The following BRAF variants were observed in gnomAD, a reference collection of about 807,000 sequenced individuals.
BRAF encodes serine/threonine-protein kinase B-raf.
Under a neutral mutation model 104.6 loss-of-function variants are expected in BRAF, and 16 were observed. The ratio of observed to expected loss-of-function variants is 0.15; its 90% CI spans 0.10 to 0.23. The LOEUF (loss-of-function observed/expected upper bound fraction) is 0.23. Ranked by LOEUF, BRAF falls within the 10% of genes least tolerant of loss-of-function variation. BRAF has a pLI of 1.00. For missense variants in BRAF, 541 were observed against 937.3 expected, an observed-to-expected ratio of 0.58 and a Z score of 5.52; for synonymous variants, 310 against 341.6, an observed-to-expected ratio of 0.91 and a Z score of 1.02.
intron 3 of BRAF, among the ~76,000 whole-genome samples, chr7:140,827,701 A>C (rs1470064183): frequency 6.6e-6 from 1 of 152,140 alleles, no homozygotes; most frequent in Non-Finnish European, 1.5e-5. Context: ...CAGAGTGACA[A>C]ACTGGCCCAC....
intron 2 of BRAF, among the ~76,000 whole-genome samples, chr7:140,838,226 T>C (rs1274299122): frequency 1.3e-5 from 2 of 152,244 alleles, no homozygotes; most frequent in African/African-American, 2.4e-5. Context: ...AGAAGAGGTA[T>C]CCTTTCTCTT....
At chr7:140,822,612 G>C (rs1394171836) in intron 3 of BRAF, among the ~76,000 whole-genome samples, 1 of 152,190 alleles carries the variant, frequency 6.6e-6, no homozygotes, top group Non-Finnish European at 1.5e-5. Context: ...TGCATTAGCA[G>C]TTCATTCCTT....
intron 1 of BRAF, among the ~76,000 whole-genome samples, chr7:140,854,807 T>C (rs547410042): frequency 6.6e-6 from 1 of 151,978 alleles, no homozygotes; most frequent in Non-Finnish European, 1.5e-5. Context: ...TAGCCGGGCG[T>C]GGTGGCGTGT....
intron 1 of BRAF, among the ~76,000 whole-genome samples, chr7:140,899,532 T>C (rs1008273326): frequency 1.3e-5 from 2 of 152,224 alleles, no homozygotes; most frequent in Non-Finnish European, 2.9e-5. Context: ...TTTTTTCATT[T>C]CTGCCAATCT....
In BRAF at chr7:140,720,368, GCA is replaced by G; in HGVS notation, c.*6124_*6125del. The G allele has an allele frequency of 9.4e-7, 1 of 1,062,246 alleles. No homozygotes were observed. The highest frequency in any genetic ancestry group is 1.1e-6 in the Non-Finnish European group (1 of 877,392). The allele number at this position is 1,062,246 out of a possible 1,614,324, so 65.8% of individuals were successfully genotyped here. A position where few individuals can be genotyped will look rare whatever the true frequency, so the allele number is the denominator to read the frequency against. On this transcript the variant is annotated 3_prime_UTR_variant, in exon 20 of 20. Coordinates refer to ENST00000644969, the MANE Select transcript of BRAF (RefSeq NM_001374258.1). The stretch of plus-strand genomic sequence containing the variant: ...AAAATGAAGGCAGGAGAAGGGGACA[GCA>G]CAGAGACATACACCCCTGTATGTAA...
At chr7:140,823,835 T>C (rs971565016) in intron 3 of BRAF, 1 of 152,262 alleles carries the variant, frequency 6.6e-6, no homozygotes, top group African/African-American at 2.4e-5. Flanking sequence ...ATCTTCTTTT[T>C]TGTCTGATAG....
intron 1 of BRAF, among the ~76,000 whole-genome samples, chr7:140,896,385 A>G (rs919974004): frequency 1.3e-5 from 2 of 152,106 alleles, no homozygotes; most frequent in African/African-American, 2.4e-5. Context: ...CCAATCCTCC[A>G]CATCCAAAAG....
At position 140,734,394 on chromosome 7, in the gene BRAF, T is replaced by C. The variant is rs1796208696; in HGVS notation, c.2401+223A>G. 1.4e-6 allele frequency: 2 copies of C among 1,441,186 alleles called. No homozygotes were observed. Among genetic ancestry groups the C allele is most frequent in the Non-Finnish European group, 1.8e-6 (2 of 1,102,526 alleles). The allele number at this position is 1,441,186 out of a possible 1,614,324, so 89.3% of individuals were successfully genotyped here. A position where few individuals can be genotyped will look rare whatever the true frequency, so the allele number is the denominator to read the frequency against. On this transcript the variant is annotated intron_variant, in intron 19 of 19. Coordinates refer to ENST00000644969, the MANE Select transcript of BRAF (RefSeq NM_001374258.1). ...CAATTTTTAGCAATGTCTATGTATT[T>C]TAACCCTTGGATGTTAAAAATCCAA...
intron 1 of BRAF, among the ~76,000 whole-genome samples, chr7:140,875,682 A>G (rs1812161639): frequency 6.6e-6 from 1 of 152,184 alleles, no homozygotes; most frequent in South Asian, 2.1e-4. Context: ...CCAGCCTAAA[A>G]ATTATCTTGA....
At chr7:140,896,652 G>A (rs985064491) in intron 1 of BRAF, among the ~76,000 whole-genome samples, 2 of 152,174 alleles carry the variant, frequency 1.3e-5, no homozygotes, top group African/African-American at 4.8e-5. Flanking sequence ...GATCACCTGA[G>A]GTCAGGAGTT....
chr7:140,729,236 A>G (rs913012315), intron 19 of BRAF, among the ~76,000 whole-genome samples: 1 of 152,068 alleles, frequency 6.6e-6, no homozygotes, highest in Non-Finnish European at 1.5e-5. Context: ...TCTCGAAAAC[A>G]AAACAAAATA....
chr7:140,856,420 G>A (rs1348538784), intron 1 of BRAF, among the ~76,000 whole-genome samples: 1 of 152,114 alleles, frequency 6.6e-6, no homozygotes, highest in Non-Finnish European at 1.5e-5. Flanking sequence ...AATATAATCA[G>A]TTTGACAAAG....
Position 140,867,092 on chromosome 7 carries a change from T to C in BRAF, c.139-16880A>G, listed in dbSNP as rs115021562. 3.4e-3 allele frequency among the ~76,000 whole-genome samples: 524 copies of C among 152,276 alleles called. 2 individuals are homozygous for C. Among genetic ancestry groups the C allele is most frequent in the African/African-American group, 0.012 (506 of 41,544 alleles). ...AATAACAAGTAGGTGATAAAAAATATTATGCAATACACATTGCACCAACCT... is the reference window on the plus strand; with the variant it reads ...AATAACAAGTAGGTGATAAAAAATACTATGCAATACACATTGCACCAACCT... On this transcript the variant is annotated intron_variant, in intron 1 of 19. Transcript: ENST00000644969.
At chr7:140,769,109 C>G (rs973105625) in intron 14 of BRAF, among the ~76,000 whole-genome samples, 6 of 148,586 alleles carry the variant, frequency 4.0e-5, no homozygotes, top group Non-Finnish European at 8.9e-5. Context: ...CAGAATCTCG[C>G]TCTGTCACCT....
At chr7:140,803,534 T>A (rs1289115773) in intron 5 of BRAF, among the ~76,000 whole-genome samples, 1 of 152,112 alleles carries the variant, frequency 6.6e-6, no homozygotes, top group Non-Finnish European at 1.5e-5. Flanking sequence ...CTAAAAAAAA[T>A]AAGAAACAGA....
intron 3 of BRAF, among the ~76,000 whole-genome samples, chr7:140,829,604 A>C (rs1806488162): frequency 6.6e-6 from 1 of 152,138 alleles, no homozygotes; most frequent in Non-Finnish European, 1.5e-5. Context: ...TTTTAATATT[A>C]GCTTGGCTAT....
At chr7:140,893,343 G>C (rs1814492337) in intron 1 of BRAF, among the ~76,000 whole-genome samples, 1 of 151,516 alleles carries the variant, frequency 6.6e-6, no homozygotes, top group South Asian at 2.1e-4. Flanking sequence ...TCTGCCCCCA[G>C]GGTTCACACC....
chr7:140,790,307 T>C (rs965907334), intron 8 of BRAF, among the ~76,000 whole-genome samples: 2 of 152,210 alleles, frequency 1.3e-5, no homozygotes, highest in African/African-American at 2.4e-5. Context: ...ATTCCGAATG[T>C]GTTCTTAAAG....
intron 1 of BRAF, among the ~76,000 whole-genome samples, chr7:140,908,668 C>G (rs1178796720): frequency 6.6e-6 from 1 of 152,288 alleles, no homozygotes; most frequent in Middle Eastern, 3.4e-3. Flanking sequence ...TCCATTCAAC[C>G]TTCCCTGCAA....
Sources: allele counts gnomAD v4.1 joint callset (sites outside exome capture counted in the v4.1 genomes callset), GRCh38; gene constraint gnomAD v4.1.1; transcripts MANE v1.5; gene names NCBI Gene and HGNC (gene_info 2026-07-23, HGNC 2026-07-21).